Variants in JAG1 observed in about 807,000 individuals in gnomAD.
JAG1 encodes jagged canonical Notch ligand 1, also known as protein jagged-1.
JAG1 carries 23 observed loss-of-function variants against 148.7 expected under a neutral mutation model. The ratio of observed to expected loss-of-function variants is 0.15; its 90% confidence interval spans 0.11 to 0.22. JAG1 has a LOEUF of 0.22. Ranked by LOEUF, JAG1 falls within the 10% of genes least tolerant of loss-of-function variation. JAG1 has a pLI of 1.00. For missense variants in JAG1, 1,054 were observed against 1,611.2 expected, an observed-to-expected ratio of 0.65 and a Z score of 5.92; for synonymous variants, 572 against 598.3, an observed-to-expected ratio of 0.96 and a Z score of 0.64.
chr20:10,672,595 T>C, intron 2 of JAG1, 106 bp downstream of exon 2: 2 of 1,139,190 alleles, frequency 1.8e-6, no homozygotes, highest in Middle Eastern at 2.7e-4. Flanking sequence ...AGTTAGCGCC[T>C]AGTTTCAAGC....
chr20:10,672,921 C>T lies in JAG1; in HGVS notation c.167G>A (p.Gly56Asp). 1 of 1,613,232 alleles carries T rather than the reference C, an allele frequency of 6.2e-7. No individual in the cohort carries two copies. The highest frequency in any genetic ancestry group is 1.3e-5 in the African/African-American group (1 of 75,058). The stretch of plus-strand genomic sequence containing the variant: ...GCGGTCTCCCGGGTTCCGGGCGCCG[C>T]CGCAGCAGTTCCCGTTCTGCAGCTC... ...NGELQNGNCC[G>D]GARNPGDRKC... The change falls in exon 2 of 26, where the codon GGC becomes GAC. Residue 56 changes from glycine to aspartate, a missense_variant. By Grantham distance (94) the Gly-to-Asp change is moderately conservative. Transcript: ENST00000254958.
intron 3 of JAG1, 60 bp downstream of exon 3, chr20:10,663,902 GT>G (rs2067433938): frequency 7.4e-7 from 1 of 1,346,626 alleles, no homozygotes; most frequent in African/African-American, 1.4e-5. Flanking sequence ...GCTCCAACTG[GT>G]TGGCCAAGCC....
At chr20:10,656,510 C>T in intron 4 of JAG1, 52 bp from the exon 5 acceptor site, 3 of 1,505,128 alleles carry the variant, frequency 2.0e-6, no homozygotes, top group East Asian at 2.3e-5. Flanking sequence ...CCTTGCATCG[C>T]CCCGGTCATG....
intron 5 of JAG1, 72 bp downstream of exon 5, chr20:10,656,326 C>G (rs1234512948): frequency 8.0e-7 from 1 of 1,250,356 alleles, no homozygotes; most frequent in Non-Finnish European, 1.2e-6. Flanking sequence ...GAGGCATAGT[C>G]ACAATAAAGT....
rs905985892 is a variant in JAG1, at chr20:10,655,744, C to T, written c.755+654G>A. On this transcript the variant is annotated intron_variant, in intron 5 of 25. Coordinates refer to ENST00000254958, the MANE Select transcript of JAG1 (RefSeq NM_000214.3). Reference sequence around the variant, plus strand: ...TTTCCCAAAATAAGCCTTTTCCAAACGGGCGTAATATAAATTTCAAGAAGT... The same window carrying T: ...TTTCCCAAAATAAGCCTTTTCCAAATGGGCGTAATATAAATTTCAAGAAGT... 9.2e-5 allele frequency among the ~76,000 whole-genome samples: 14 copies of T among 152,232 alleles called. No individual in the cohort carries two copies. In the East Asian group the frequency reaches 2.1e-3, roughly 23 times the overall value.
At chr20:10,641,275 G>T (rs2067269448) in intron 23 of JAG1, 31 bp from the exon 24 acceptor site, 2 of 1,612,734 alleles carry the variant, frequency 1.2e-6, no homozygotes, top group Admixed American at 1.7e-5. Context: ...CCACACACGT[G>T]TAAGATTGAG....
At chr20:10,660,986 G>A (rs1045855381) in intron 3 of JAG1, among the ~76,000 whole-genome samples, 77 of 152,228 alleles carry the variant, frequency 5.1e-4, no homozygotes, top group Admixed American at 4.8e-3. Context: ...GGCCTTAGCC[G>A]AGAAAGCTAA....
Position 10,673,613 on chromosome 20 carries a change from GCCCCT to G in JAG1, c.-88_-84del. 1.4e-6 allele frequency: 1 copy of G among 697,028 alleles called. No homozygotes were observed. Among genetic ancestry groups the G allele is most frequent in the Non-Finnish European group, 1.9e-6 (1 of 513,640 alleles). The allele number at this position is 697,028 out of a possible 1,614,324, so 43.2% of individuals were successfully genotyped here. ...TGCCGCCGGTGCTGCCGTCGCCGCT[GCCCCT>G]GCGGCCGCCGCGTCCCGGCTCTAAT... On this transcript the variant is annotated 5_prime_UTR_variant, in exon 1 of 26. Coordinates refer to ENST00000254958, the MANE Select transcript of JAG1 (RefSeq NM_000214.3). The surrounding 1 kb of genome is among the most constrained non-coding windows in gnomAD (Gnocchi z 4.7).
chr20:10,658,867 C>T lies in JAG1; in HGVS notation c.440-145G>A, dbSNP rs2067395752. 9 of 840,252 alleles carry T rather than the reference C, an allele frequency of 1.1e-5. No homozygotes were observed. The East Asian group carries it at 2.3e-4, about 22-fold the overall frequency. 52.0% of individuals were successfully genotyped at this position (840,252 alleles called of 1,614,324 possible). The stretch of plus-strand genomic sequence containing the variant: ...GGCAAAGAAATGAAAAGTTTATGCC[C>T]CTACCCAGAGACAACCTGTTACCAC... On this transcript the variant is annotated intron_variant, in intron 3 of 25. Transcript: ENST00000254958.
At chr20:10,640,981 A>G (rs1270985972) in intron 24 of JAG1, 48 bp from the exon 25 acceptor site, 1 of 1,612,688 alleles carries the variant, frequency 6.2e-7, no homozygotes, top group Admixed American at 1.7e-5. Flanking sequence ...TACTCAAAGC[A>G]GCCTTTCTTC....
chr20:10,665,322 AAT>A (rs2067446140), intron 2 of JAG1, among the ~76,000 whole-genome samples: 1 of 152,218 alleles, frequency 6.6e-6, no homozygotes, highest in African/African-American at 2.4e-5. Flanking sequence ...ATTCAGCCGA[AAT>A]ATGTTTCATA....
rs548990076 is a variant in JAG1 at position 10,673,931 on chromosome 20, G to T, written c.-401C>A. The T allele has an allele frequency of 1.3e-5, 2 of 152,798 alleles. No individual in the cohort carries two copies. The highest frequency in any genetic ancestry group is 2.1e-4 in the South Asian group (1 of 4,836). The allele number at this position is 152,798 out of a possible 1,614,324, so 9.5% of individuals were successfully genotyped here. A position where few individuals can be genotyped will look rare whatever the true frequency, so the allele number is the denominator to read the frequency against. Reference sequence around the variant, plus strand: ...AAAAAAAAAACCAGCCTAGCTCGCGGGCCGGCCGCAGGTAACACAATGACG... The same window carrying T: ...AAAAAAAAAACCAGCCTAGCTCGCGTGCCGGCCGCAGGTAACACAATGACG... On this transcript the variant is annotated 5_prime_UTR_variant, in exon 1 of 26. Transcript: ENST00000254958. This position sits in a 1 kb window ranked among gnomAD's most constrained non-coding sequence, Gnocchi z 4.7.
rs768434108 is a variant in JAG1 at position 10,641,764 on chromosome 20, G to A, written c.2682+19C>T. The A allele has an allele frequency of 1.7e-5, 27 of 1,608,152 alleles. No individual in the cohort carries two copies. Among genetic ancestry groups the A allele is most frequent in the African/African-American group, 9.4e-5 (7 of 74,790 alleles). ...TGATTCCAGAACACAGGTGAACTGC[G>A]GCAGCCATCATGTCCTACCTTTGAG... On this transcript the variant is annotated intron_variant, in intron 22 of 25. Coordinates refer to ENST00000254958, the MANE Select transcript of JAG1 (RefSeq NM_000214.3).
Position 10,643,768 on chromosome 20 carries a change from C to G in JAG1, c.2458+10G>C, listed in dbSNP as rs778204780. The stretch of plus-strand genomic sequence containing the variant: ...AGCCATTGGGAAAACCAGACGGAGA[C>G]AGTCCTTACTTATTCTGCAGTCGGG... On this transcript the variant is annotated intron_variant, in intron 20 of 25. Coordinates refer to ENST00000254958, the MANE Select transcript of JAG1 (RefSeq NM_000214.3). 1.2e-6 allele frequency: 2 copies of G among 1,610,692 alleles called. No individual in the cohort carries two copies. Among genetic ancestry groups the G allele is most frequent in the East Asian group, 4.5e-5 (2 of 44,854 alleles).
rs377620636 is a variant in JAG1, at chr20:10,645,263, G to C, written c.2114-7C>G. ...TCATCACACTGACTGTCACCTGGAG[G>C]AAAATATTTCAGTGTGAGTCCCAGT... is the stretch of plus-strand genomic sequence containing the variant. On this transcript the variant is annotated splice_region_variant and splice_polypyrimidine_tract_variant and intron_variant, in intron 16 of 25. Coordinates refer to ENST00000254958, the MANE Select transcript of JAG1 (RefSeq NM_000214.3). The surrounding 1 kb of genome is among the most constrained non-coding windows in gnomAD (Gnocchi z 6.1). 6.2e-7 allele frequency: 1 copy of C among 1,612,404 alleles called. No individual in the cohort carries two copies. Among genetic ancestry groups the C allele is most frequent in the Non-Finnish European group, 8.5e-7 (1 of 1,178,426 alleles).
intron 5 of JAG1, among the ~76,000 whole-genome samples, chr20:10,654,534 G>T (rs1011519406): frequency 6.6e-6 from 1 of 151,252 alleles, no homozygotes; most frequent in Non-Finnish European, 1.5e-5. Context: ...TCATGTGGGG[G>T]TGAAAAAAAA....
At position 10,672,689 on chromosome 20, in the gene JAG1, G is replaced by A. The variant is rs1370100395; in HGVS notation, c.387+12C>T. 1 of 1,611,760 alleles carries A rather than the reference G, an allele frequency of 6.2e-7. No homozygotes were observed. Among genetic ancestry groups the A allele is most frequent in the South Asian group, 1.1e-5 (1 of 90,964 alleles). ...AGGCTCCGCCCGGCCTCCTTCCCGA[G>A]TAGTCACTCACCGGCCAGGCGAAAC... is the stretch of plus-strand genomic sequence containing the variant. On this transcript the variant is annotated intron_variant, in intron 2 of 25. Coordinates refer to ENST00000254958, the MANE Select transcript of JAG1 (RefSeq NM_000214.3).
At chr20:10,647,286 C>A in intron 13 of JAG1, 183 bp from the exon 14 acceptor site, 1 of 674,440 alleles carries the variant, frequency 1.5e-6, no homozygotes, top group South Asian at 1.7e-5. Context: ...AAAGTTGAGA[C>A]TCCAGGCAAA....
chr20:10,640,589 A>G (rs531419587), intron 25 of JAG1, among the ~76,000 whole-genome samples, 194 bp downstream of exon 25: 19 of 152,318 alleles, frequency 1.2e-4, no homozygotes, highest in Admixed American at 1.0e-3. Flanking sequence ...TTGGGAAGGA[A>G]AATATGAGGC....
Sources: allele counts gnomAD v4.1 joint callset (sites outside exome capture counted in the v4.1 genomes callset), GRCh38; gene constraint gnomAD v4.1.1; non-coding constraint Gnocchi (gnomAD v3.1); transcripts MANE v1.5; gene names NCBI Gene and HGNC (gene_info 2026-07-23, HGNC 2026-07-21).